Variants in CSMD1 observed in about 807,000 individuals in gnomAD.
CSMD1 encodes the protein CUB and sushi domain-containing protein 1.
Under a neutral mutation model 417.5 loss-of-function variants are expected in CSMD1, and 213 were observed. That is an observed-to-expected ratio of 0.51 (90% confidence interval 0.46 to 0.57). The LOEUF (loss-of-function observed/expected upper bound fraction) is 0.57. CSMD1 is among the 20% of genes least tolerant of loss of function. The pLI, the probability that CSMD1 is intolerant of heterozygous loss-of-function variation, is 0.00. For missense variants in CSMD1, 6,923 were observed against 4,529.7 expected, an observed-to-expected ratio of 1.53 and a Z score of -15.17; for synonymous variants, 2,862 against 1,736.8, an observed-to-expected ratio of 1.65 and a Z score of -16.11.
chr8:4,503,467 A>G (rs974737445), intron 2 of CSMD1, among the ~76,000 whole-genome samples: 5 of 152,338 alleles, frequency 3.3e-5, no homozygotes, highest in Non-Finnish European at 7.4e-5. Flanking sequence ...TTAGAAAAAG[A>G]TACTTACCTA....
At position 4,903,709 on chromosome 8, in the gene CSMD1, C is replaced by A. The variant is rs780895752; in HGVS notation, c.85+90623G>T. 7.9e-5 allele frequency among the ~76,000 whole-genome samples: 12 copies of A among 152,176 alleles called. No individual in the cohort carries two copies. In the South Asian group the frequency reaches 2.5e-3, roughly 31 times the overall value. On this transcript the variant is annotated intron_variant, in intron 1 of 69. Transcript: ENST00000635120. ...AAGGTTGTAATAAGGTCCCACAACT[C>A]TAAAGAGCAACACAGATGAAGCAGT...
intron 4 of CSMD1, among the ~76,000 whole-genome samples, chr8:4,009,388 C>G (rs1254510810): frequency 1.3e-5 from 2 of 152,180 alleles, no homozygotes; most frequent in Admixed American, 1.3e-4. Flanking sequence ...TAGAAGCAAA[C>G]TGCCATGTTT....
At chr8:3,901,052 T>C (rs896107098) in intron 5 of CSMD1, among the ~76,000 whole-genome samples, 5 of 152,240 alleles carry the variant, frequency 3.3e-5, no homozygotes, top group African/African-American at 9.6e-5. Flanking sequence ...TGGCTTTTAA[T>C]AACGATTTTG....
intron 3 of CSMD1, among the ~76,000 whole-genome samples, chr8:4,260,476 C>G (rs1365929458): frequency 6.6e-6 from 1 of 152,068 alleles, no homozygotes; most frequent in Non-Finnish European, 1.5e-5. Flanking sequence ...GAACATTGTT[C>G]ACCTGAAGTA....
chr8:4,419,440 C>G (rs1246577062), intron 3 of CSMD1, among the ~76,000 whole-genome samples: 3 of 152,060 alleles, frequency 2.0e-5, no homozygotes. Context: ...GGTATCTAGG[C>G]ACAAAATCTG....
Position 3,971,297 on chromosome 8 carries a change from G to A in CSMD1, c.818+26606C>T, listed in dbSNP as rs549299301. Among the ~76,000 whole-genome samples, 45 of 152,206 alleles carry A rather than the reference G, an allele frequency of 3.0e-4. 1 individual carries two copies. In the South Asian group the frequency reaches 5.8e-3, roughly 20 times the overall value. ...ATTTCTATTCTCCTCACCTCCTCAT[G>A]GGTTCTCCTGAGTTTCCAGTGGCTG... is the stretch of plus-strand genomic sequence containing the variant. On this transcript the variant is annotated intron_variant, in intron 5 of 69. Coordinates refer to ENST00000635120, the MANE Select transcript of CSMD1 (RefSeq NM_033225.6).
intron 47 of CSMD1, among the ~76,000 whole-genome samples, chr8:3,096,533 C>G (rs146088593): frequency 6.6e-6 from 1 of 152,146 alleles, no homozygotes; most frequent in African/African-American, 2.4e-5. Context: ...CCTTGCCTTC[C>G]TCCATGATTG....
intron 10 of CSMD1, among the ~76,000 whole-genome samples, chr8:3,497,334 G>A (rs1387694136): frequency 1.3e-5 from 2 of 152,094 alleles, no homozygotes; most frequent in Admixed American, 6.5e-5. Flanking sequence ...GGTGTTGGGT[G>A]CATATATGTT....
intron 10 of CSMD1, among the ~76,000 whole-genome samples, chr8:3,568,804 T>C (rs1799826323): frequency 6.6e-6 from 1 of 152,048 alleles, no homozygotes; most frequent in Non-Finnish European, 1.5e-5. Flanking sequence ...TCTTCCATGA[T>C]ATATTTAATC....
intron 1 of CSMD1, among the ~76,000 whole-genome samples, chr8:4,970,520 C>A (rs1337017005): frequency 3.3e-5 from 5 of 152,060 alleles, no homozygotes; most frequent in African/African-American, 4.8e-5. Flanking sequence ...TCTTCTTAAA[C>A]TATATGATAT....
chr8:3,955,359 T>A (rs990303489), intron 5 of CSMD1, among the ~76,000 whole-genome samples: 2 of 152,090 alleles, frequency 1.3e-5, no homozygotes, highest in African/African-American at 4.8e-5. Flanking sequence ...AAACCATACA[T>A]CCCTCATCTT....
intron 3 of CSMD1, among the ~76,000 whole-genome samples, chr8:4,245,405 G>C (rs1055447411): frequency 1.3e-5 from 2 of 152,158 alleles, no homozygotes; most frequent in African/African-American, 4.8e-5. Flanking sequence ...TCCACACTCT[G>C]ATGATGCAAA....
At position 3,151,490 on chromosome 8, in the gene CSMD1, T is replaced by G; in HGVS notation, c.5938A>C (p.Thr1980Pro). The G allele has an allele frequency of 1.9e-6, 3 of 1,613,210 alleles. No individual in the cohort carries two copies. Among genetic ancestry groups the G allele is most frequent in the Non-Finnish European group, 2.5e-6 (3 of 1,179,582 alleles). The stretch of plus-strand genomic sequence containing the variant: ...GGGCTCAGGATCACACCACCCAAGG[T>G]GCTCAGCGTCCCTCCACAGGTTGCT... ...CIATCGGTLS[T>P]LGGVILSPGF... The change falls in exon 40 of 70, where the codon ACC (threonine) becomes CCC (proline). Residue 1980 changes from threonine (T) to proline (P), a missense_variant. By Grantham distance (38) the Thr-to-Pro change is conservative (BLOSUM62 -1). Coordinates refer to ENST00000635120, the MANE Select transcript of CSMD1 (RefSeq NM_033225.6).
chr8:3,238,989 T>A (rs933295214), intron 26 of CSMD1, among the ~76,000 whole-genome samples: 6 of 152,018 alleles, frequency 3.9e-5, no homozygotes, highest in African/African-American at 1.2e-4. Flanking sequence ...TGGGGCACAG[T>A]CAAAGTTGGT....
At chr8:3,273,963 C>T (rs1252160007) in intron 26 of CSMD1, among the ~76,000 whole-genome samples, 2 of 151,646 alleles carry the variant, frequency 1.3e-5, no homozygotes, top group Non-Finnish European at 2.9e-5. Context: ...TTCTTGCCTT[C>T]TGCTAGCTTT....
intron 1 of CSMD1, among the ~76,000 whole-genome samples, chr8:4,800,375 G>T (rs1235913229): frequency 6.7e-6 from 1 of 149,974 alleles, no homozygotes; most frequent in Non-Finnish European, 1.5e-5. Context: ...AGGTTGCAGT[G>T]AGCTGAGATC....
intron 5 of CSMD1, among the ~76,000 whole-genome samples, chr8:3,813,068 C>A (rs1231838099): frequency 4.1e-5 from 6 of 147,810 alleles, no homozygotes; most frequent in African/African-American, 1.5e-4. Flanking sequence ...GCTGGTATAC[C>A]AAGAAAATTC....
intron 3 of CSMD1, among the ~76,000 whole-genome samples, chr8:4,034,477 C>T (rs1442268558): frequency 1.3e-5 from 2 of 152,116 alleles, no homozygotes; most frequent in Admixed American, 6.6e-5. Context: ...ATTCCACATT[C>T]ACTATCCTTA....
intron 2 of CSMD1, among the ~76,000 whole-genome samples, chr8:4,436,796 T>A (rs543928145): frequency 5.3e-5 from 8 of 152,076 alleles, no homozygotes; most frequent in Non-Finnish European, 1.2e-4. Flanking sequence ...CCTACCTTAT[T>A]TCATTTAACA....
Sources: allele counts gnomAD v4.1 joint callset (sites outside exome capture counted in the v4.1 genomes callset), GRCh38; gene constraint gnomAD v4.1.1; transcripts MANE v1.5; gene names NCBI Gene and HGNC (gene_info 2026-07-23, HGNC 2026-07-21).